Variants in DHRSX observed in about 807,000 individuals in gnomAD.
DHRSX encodes polyprenol dehydrogenase.
A neutral mutation model predicts 34.0 loss-of-function variants in DHRSX; 31 were observed. That is an observed-to-expected ratio of 0.91 (90% CI 0.69 to 1.23). The LOEUF is 1.23. Ranked by LOEUF, DHRSX falls within the 50% of genes most tolerant of loss-of-function variation. The pLI is 0.00. For synonymous variants in DHRSX, 201 were observed against 183.8 expected (o/e 1.09, Z -0.76); for missense variants, 414 against 428.1 (o/e 0.97, Z 0.29).
chrX:2,303,387 T>C (rs537587408), intron 3 of DHRSX, among the ~76,000 whole-genome samples: 9 of 152,188 alleles, frequency 5.9e-5, no homozygotes, highest in African/African-American at 1.9e-4. Flanking sequence ...CCCTTGGTGA[T>C]GTTCTTGTGA....
At chrX:2,478,977 C>T in intron 1 of DHRSX, among the ~76,000 whole-genome samples, 1 of 151,484 alleles carries the variant, frequency 6.6e-6, no homozygotes, top group Non-Finnish European at 1.5e-5. Flanking sequence ...TGAAGACATT[C>T]CCTAGGCATG....
At chrX:2,489,497 G>A (rs771759980) in intron 1 of DHRSX, 28 of 1,613,364 alleles carry the variant, frequency 1.7e-5, no homozygotes, top group Non-Finnish European at 2.4e-5. Context: ...CAGCATCTCG[G>A]CCACCTGCTT....
In DHRSX at chrX:2,325,190, G is replaced by A. The variant is rs1056266763; in HGVS notation, c.287-33587C>T. Among the ~76,000 whole-genome samples, 10 of 152,232 alleles carry A rather than the reference G, an allele frequency of 6.6e-5. No homozygotes were observed. In the South Asian group the frequency reaches 1.2e-3, roughly 19 times the overall value. Reference sequence around the variant, plus strand: ...GAGCTTGTACGGGTGAATGTCGGGAGGACCTAGGGACTAGACACGTTCAAG... The same window carrying A: ...GAGCTTGTACGGGTGAATGTCGGGAAGACCTAGGGACTAGACACGTTCAAG... On this transcript the variant is annotated intron_variant, in intron 3 of 6. Transcript: ENST00000334651.
At chrX:2,497,151 T>C (rs953532955) in intron 1 of DHRSX, among the ~76,000 whole-genome samples, 1 of 152,108 alleles carries the variant, frequency 6.6e-6, no homozygotes, top group Non-Finnish European at 1.5e-5. Context: ...ATCCCAGCAA[T>C]TTGGGATGCC....
intron 5 of DHRSX, among the ~76,000 whole-genome samples, chrX:2,245,856 G>A (rs985244738): frequency 1.4e-4 from 21 of 150,796 alleles, no homozygotes; most frequent in Non-Finnish European, 2.2e-4. Flanking sequence ...CAGCTACTCC[G>A]GAGGCTGAGG....
At chrX:2,459,579 T>C (rs28378427) in intron 1 of DHRSX, among the ~76,000 whole-genome samples, 2,748 of 127,950 alleles carry the variant, frequency 0.021, 91 homozygotes, top group African/African-American at 0.076. Context: ...TATATATATA[T>C]ACACACACAT....
At chrX:2,318,039 C>G (rs1444477804) in intron 3 of DHRSX, among the ~76,000 whole-genome samples, 2 of 151,976 alleles carry the variant, frequency 1.3e-5, no homozygotes, top group African/African-American at 2.4e-5. Context: ...GAGGCTACAA[C>G]AAGTGTCTGA....
intron 3 of DHRSX, among the ~76,000 whole-genome samples, chrX:2,401,797 A>G (rs950118195): frequency 6.6e-6 from 1 of 152,214 alleles, no homozygotes; most frequent in Admixed American, 6.5e-5. Flanking sequence ...AGGAGCCACA[A>G]AGGTGTGGGC....
At chrX:2,396,033 CT>C (rs1187913896) in intron 3 of DHRSX, among the ~76,000 whole-genome samples, 7 of 152,074 alleles carry the variant, frequency 4.6e-5, no homozygotes, top group African/African-American at 7.2e-5. Context: ...CCTCCGGGGG[CT>C]CTCAGGAAGG....
intron 1 of DHRSX, among the ~76,000 whole-genome samples, chrX:2,474,040 G>C (rs2044634580): frequency 6.6e-6 from 1 of 151,950 alleles, no homozygotes; most frequent in Non-Finnish European, 1.5e-5. Context: ...GTCTCTCACT[G>C]TGCCTGGGAT....
chrX:2,225,963 G>A (rs772667939), intron 6 of DHRSX, among the ~76,000 whole-genome samples: 7 of 150,228 alleles, frequency 4.7e-5, no homozygotes, highest in Non-Finnish European at 7.4e-5. Flanking sequence ...ACAGAGGGAC[G>A]ACCCTGTGAG....
At chrX:2,302,580 C>A (rs2042025140) in intron 3 of DHRSX, among the ~76,000 whole-genome samples, 1 of 151,748 alleles carries the variant, frequency 6.6e-6, no homozygotes, top group Admixed American at 6.6e-5. Context: ...CCACTGCACT[C>A]CAGCCTGGGT....
chrX:2,491,792 C>A (rs1453049449), intron 1 of DHRSX, among the ~76,000 whole-genome samples: 2 of 152,188 alleles, frequency 1.3e-5, no homozygotes, highest in Admixed American at 1.3e-4. Flanking sequence ...CAGAAAGGCC[C>A]AACTGGGCAA....
chrX:2,457,024 G>A (rs2044308459), intron 1 of DHRSX, among the ~76,000 whole-genome samples: 1 of 152,084 alleles, frequency 6.6e-6, no homozygotes, highest in Admixed American at 6.6e-5. Flanking sequence ...GGAGCAGGCT[G>A]GCTGTGTCTC....
intron 2 of DHRSX, among the ~76,000 whole-genome samples, chrX:2,424,622 T>C (rs1388112066): frequency 3.3e-5 from 5 of 152,176 alleles, no homozygotes; most frequent in African/African-American, 1.2e-4. Flanking sequence ...GTCATAAAGA[T>C]ATATGGTTAT....
At chrX:2,335,170 G>A (rs1330220144) in intron 3 of DHRSX, among the ~76,000 whole-genome samples, 8 of 145,518 alleles carry the variant, frequency 5.5e-5, no homozygotes, top group South Asian at 2.2e-4. Flanking sequence ...GGACAACAGA[G>A]TAGGACTCCA....
Position 2,383,105 on chromosome X carries a change from CATT to C in DHRSX, c.286+25637_286+25639del, listed in dbSNP as rs1341592204. Reference sequence around the variant, plus strand: ...GCAGCATCACCACCATCACCATCATCATTATTTCTATCACCACCACCATTGTCA... The same window carrying C: ...GCAGCATCACCACCATCACCATCATCATTTCTATCACCACCACCATTGTCA... On this transcript the variant is annotated intron_variant, in intron 3 of 6. Transcript: ENST00000334651. Among the ~76,000 whole-genome samples, 88 of 151,682 alleles carry C rather than the reference CATT, an allele frequency of 5.8e-4. 1 individual carries two copies. The highest frequency in any genetic ancestry group is 2.1e-4 in the South Asian group (1 of 4,782).
At chrX:2,310,351 G>A (rs925515954) in intron 3 of DHRSX, among the ~76,000 whole-genome samples, 6 of 152,066 alleles carry the variant, frequency 3.9e-5, no homozygotes, top group African/African-American at 9.7e-5. Flanking sequence ...CACCCCCTGC[G>A]TCTCTCATTT....
chrX:2,222,283 C>A (rs949224098), intron 6 of DHRSX, among the ~76,000 whole-genome samples: 1 of 152,216 alleles, frequency 6.6e-6, no homozygotes, highest in Non-Finnish European at 1.5e-5. Flanking sequence ...TCATTGGCCA[C>A]ATAATCAGAT....
Sources: gnomAD v4.1 joint callset for allele counts (sites outside exome capture counted in the v4.1 genomes callset) on GRCh38, gnomAD v4.1.1 for gene constraint, MANE v1.5 for transcripts, NCBI Gene and HGNC (gene_info 2026-07-23, HGNC 2026-07-21) for gene names.